Variants in SNX5 observed in about 807,000 individuals in gnomAD.
The protein encoded by SNX5 is sorting nexin-5.
A neutral mutation model predicts 53.9 loss-of-function variants in SNX5; 31 were observed. The ratio of observed to expected loss-of-function variants is 0.58; its 90% CI spans 0.43 to 0.78. The LOEUF (loss-of-function observed/expected upper bound fraction) is 0.78, where lower values mean the gene tolerates loss of function less well. Among genes scored for constraint, SNX5 ranks in the 30% least tolerant of loss-of-function variants. The pLI is 0.00. For missense variants in SNX5, 471 were observed against 478.8 expected (o/e 0.98, Z 0.15); for synonymous variants, 168 against 171.1 (o/e 0.98, Z 0.14).
chr20:17,955,654 C>CT (rs1481652251), intron 2 of SNX5, among the ~76,000 whole-genome samples, 179 bp from the exon 3 acceptor site: 1 of 152,246 alleles, frequency 6.6e-6, no homozygotes, highest in South Asian at 2.1e-4. Flanking sequence ...AACCTGAACT[C>CT]TAACGATTTC....
chr20:17,952,210 G>A (rs900349979), intron 5 of SNX5, among the ~76,000 whole-genome samples: 1 of 152,120 alleles, frequency 6.6e-6, no homozygotes, highest in Non-Finnish European at 1.5e-5. Flanking sequence ...ATGACAGAGC[G>A]AGATTCTGCC....
intron 1 of SNX5, among the ~76,000 whole-genome samples, chr20:17,965,685 A>G (rs1355231428): frequency 6.6e-6 from 1 of 151,742 alleles, no homozygotes; most frequent in Non-Finnish European, 1.5e-5. Context: ...AAAAAAAAAA[A>G]AAAGCCTCTT....
Position 17,948,982 on chromosome 20 carries a change from T to C in SNX5, c.832-6A>G, listed in dbSNP as rs1600336215. ...GAAACTCGACCCTCTACTTTCTATA[T>C]AGAAAAGGAAAGGTCACCATCAAGG... On this transcript the variant is annotated splice_region_variant and splice_polypyrimidine_tract_variant and intron_variant, in intron 9 of 12. Coordinates refer to ENST00000377759, the MANE Select transcript of SNX5 (RefSeq NM_014426.4). The C allele has an allele frequency of 2.5e-6, 4 of 1,612,248 alleles. No homozygotes were observed. The highest frequency in any genetic ancestry group is 3.4e-6 in the Non-Finnish European group (4 of 1,179,384).
rs541784913 is a variant in SNX5, at chr20:17,963,973, C to T, written c.51+4402G>A. Among the ~76,000 whole-genome samples the T allele has an allele frequency of 5.9e-5, 9 of 152,214 alleles. No homozygotes were observed. The South Asian group carries it at 1.7e-3, about 28-fold the overall frequency. On this transcript the variant is annotated intron_variant, in intron 1 of 12. Coordinates refer to ENST00000377759, the MANE Select transcript of SNX5 (RefSeq NM_014426.4). ...AGATGTAAATATTCCAATACTCAGA[C>T]CAGGGGCCCATTCAGGAGGCTGAGT...
chr20:17,961,047 T>C (rs1454717073), intron 1 of SNX5: 2 of 726,736 alleles, frequency 2.8e-6, no homozygotes, highest in African/African-American at 1.9e-5. Context: ...CATTTTCAAC[T>C]GTTTTAAAAA....
intron 1 of SNX5, among the ~76,000 whole-genome samples, chr20:17,958,499 A>G (rs1180163170): frequency 6.6e-6 from 1 of 152,192 alleles, no homozygotes; most frequent in Non-Finnish European, 1.5e-5. Context: ...GCCTATTACA[A>G]TGGCTTTCCT....
rs1600368458 is a variant in SNX5, at chr20:17,968,568, C to T, written c.-143G>A. On this transcript the variant is annotated 5_prime_UTR_variant, in exon 1 of 13. Transcript: ENST00000377759. ...TCCCTGCCCGACGGCGGCAGGAGGCCTCCGGACTCCGCCACCATCCCAGCT... is the reference window on the plus strand; with the variant it reads ...TCCCTGCCCGACGGCGGCAGGAGGCTTCCGGACTCCGCCACCATCCCAGCT... 1 of 736,424 alleles carries T rather than the reference C, an allele frequency of 1.4e-6. No homozygotes were observed. Among genetic ancestry groups the T allele is most frequent in the East Asian group, 3.6e-5 (1 of 28,150 alleles). The allele number at this position is 736,424 out of a possible 1,614,324, so 45.6% of individuals were successfully genotyped here. A position where few individuals can be genotyped will look rare whatever the true frequency, so the allele number is the denominator to read the frequency against.
At chr20:17,948,233 T>C (rs1241823852) in intron 10 of SNX5, among the ~76,000 whole-genome samples, 1 of 152,240 alleles carries the variant, frequency 6.6e-6, no homozygotes, top group African/African-American at 2.4e-5. Context: ...TATTTTTGTA[T>C]ATACTCAAAT....
chr20:17,954,237 T>G (rs2035315940), intron 3 of SNX5, 120 bp from the exon 4 acceptor site: 1 of 1,481,656 alleles, frequency 6.7e-7, no homozygotes, highest in African/African-American at 1.4e-5. Context: ...TGGGGCTATT[T>G]AAAAGTCAAC....
intron 1 of SNX5, among the ~76,000 whole-genome samples, chr20:17,966,934 ATTAT>A (rs975357796): frequency 2.3e-4 from 35 of 152,314 alleles, no homozygotes; most frequent in Middle Eastern, 3.4e-3. Flanking sequence ...CGTCAGGGTA[ATTAT>A]TTATTTTTAT....
At chr20:17,945,277 G>A (rs1271867505) in intron 11 of SNX5, 2 of 152,184 alleles carry the variant, frequency 1.3e-5, no homozygotes, top group South Asian at 2.1e-4. Flanking sequence ...CACCTCCTGT[G>A]AAACCAGCCC....
intron 5 of SNX5, among the ~76,000 whole-genome samples, chr20:17,952,181 C>T (rs1047471417): frequency 2.6e-5 from 4 of 152,154 alleles, no homozygotes; most frequent in African/African-American, 9.7e-5. Flanking sequence ...CGAGATCGCG[C>T]CACTGCACTC....
Position 17,955,483 on chromosome 20 carries a change from G to A in SNX5, c.157-8C>T, listed in dbSNP as rs904269396. 1.9e-6 allele frequency: 3 copies of A among 1,605,946 alleles called. No homozygotes were observed. The highest frequency in any genetic ancestry group is 2.6e-6 in the Non-Finnish European group (3 of 1,173,438). On this transcript the variant is annotated splice_polypyrimidine_tract_variant and splice_region_variant and intron_variant, in intron 2 of 12. Transcript: ENST00000377759. Reference sequence around the variant, plus strand: ...AAACGTGGGCAGTGTGGTCTGTAAAGAAAGAAAGAAGTTAACTGGTAACCA... The same window carrying A: ...AAACGTGGGCAGTGTGGTCTGTAAAAAAAGAAAGAAGTTAACTGGTAACCA...
Position 17,948,932 on chromosome 20 carries a change from T to C in SNX5, c.876A>G (p.Thr292=). The C allele has an allele frequency of 1.2e-6, 2 of 1,612,374 alleles. No individual in the cohort carries two copies. The highest frequency in any genetic ancestry group is 1.7e-6 in the Non-Finnish European group (2 of 1,179,926). The change falls in exon 10 of 13, where the codon ACA becomes ACG. Residue 292 remains threonine (T), a synonymous_variant. Coordinates refer to ENST00000377759, the MANE Select transcript of SNX5 (RefSeq NM_014426.4). The part of the protein sequence containing the change: ...RVSSDEDLKL[T]ELLRYYMLNI... Reference sequence around the variant, plus strand: ...TGAGCATGTAGTATCGGAGGAGCTCTGTTAGCTTCAAATCTTCATCTGATG... The same window carrying C: ...TGAGCATGTAGTATCGGAGGAGCTCCGTTAGCTTCAAATCTTCATCTGATG...
In SNX5 at chr20:17,941,827, A is replaced by G. The variant is rs2039420972; in HGVS notation, c.*530T>C. The G allele has an allele frequency of 6.6e-6, 1 of 152,500 alleles. No homozygotes were observed. Among genetic ancestry groups the G allele is most frequent in the South Asian group, 2.1e-4 (1 of 4,838 alleles). 9.4% of individuals were successfully genotyped at this position (152,500 alleles called of 1,614,324 possible). A position where few individuals can be genotyped will look rare whatever the true frequency, so the allele number is the denominator to read the frequency against. ...TCTCGACTAAAAAAAGGAGGTGCAA[A>G]GAGTATATAAAGATAAATGAGATTT... On this transcript the variant is annotated 3_prime_UTR_variant, in exon 13 of 13. Coordinates refer to ENST00000377759, the MANE Select transcript of SNX5 (RefSeq NM_014426.4).
chr20:17,946,847 G>A (rs2039493994), intron 11 of SNX5, among the ~76,000 whole-genome samples: 1 of 152,136 alleles, frequency 6.6e-6, no homozygotes, highest in Admixed American at 6.5e-5. Flanking sequence ...ATCTAATTGA[G>A]TAATCAAAAT....
intron 1 of SNX5, among the ~76,000 whole-genome samples, chr20:17,960,851 T>G (rs915234590): frequency 2.6e-5 from 4 of 152,108 alleles, no homozygotes; most frequent in Admixed American, 2.0e-4. Context: ...TCATCTCTAT[T>G]TCAGAATTTT....
At chr20:17,950,850 C>T (rs1461728430) in intron 6 of SNX5, among the ~76,000 whole-genome samples, 2 of 152,218 alleles carry the variant, frequency 1.3e-5, no homozygotes, top group Non-Finnish European at 2.9e-5. Context: ...GTCCCATACA[C>T]CTTAAACTGG....
intron 1 of SNX5, among the ~76,000 whole-genome samples, chr20:17,958,762 GTAT>G (rs1468760133): frequency 6.6e-6 from 1 of 151,998 alleles, no homozygotes; most frequent in African/African-American, 2.4e-5. Flanking sequence ...CAGCTTTGGC[GTAT>G]TTTCTGATAA....
Sources: allele counts gnomAD v4.1 joint callset (sites outside exome capture counted in the v4.1 genomes callset), GRCh38; gene constraint gnomAD v4.1.1; transcripts MANE v1.5; gene names NCBI Gene and HGNC (gene_info 2026-07-23, HGNC 2026-07-21).